The following GABRG3 variants were observed in gnomAD, a reference collection of about 807,000 sequenced individuals.
GABRG3 encodes gamma-aminobutyric acid type A receptor subunit gamma3, also known as gamma-aminobutyric acid receptor subunit gamma-3.
In GABRG3, 25 loss-of-function variants were observed where a neutral mutation model predicts 48.8. The ratio of observed to expected loss-of-function variants is 0.51; its 90% CI spans 0.37 to 0.72. GABRG3 has a LOEUF of 0.72. Ranked by LOEUF, GABRG3 falls within the 30% of genes least tolerant of loss-of-function variation. The pLI is 0.00. For synonymous variants in GABRG3, 227 were observed against 217.6 expected (o/e 1.04, Z -0.38); for missense variants, 394 against 577.9 (o/e 0.68, Z 3.26).
chr15:27,034,383 T>C (rs1896139341), intron 3 of GABRG3, among the ~76,000 whole-genome samples: 1 of 152,212 alleles, frequency 6.6e-6, no homozygotes, highest in South Asian at 2.1e-4. Context: ...TTTATTTGTT[T>C]TGTTTTATTT....
chr15:27,420,907 G>T (rs1453665153), intron 5 of GABRG3, among the ~76,000 whole-genome samples: 1 of 152,328 alleles, frequency 6.6e-6, no homozygotes, highest in Non-Finnish European at 1.5e-5. Flanking sequence ...TGTGCTCGGG[G>T]CTTGTGGATA....
At chr15:27,271,445 G>A (rs1228897807) in intron 3 of GABRG3, 3 of 403,858 alleles carry the variant, frequency 7.4e-6, no homozygotes, top group South Asian at 3.5e-5. Context: ...GCAGATGAAT[G>A]AGGCCTAGAC....
intron 3 of GABRG3, among the ~76,000 whole-genome samples, chr15:27,154,303 G>A (rs1169346008): frequency 3.9e-5 from 6 of 152,154 alleles, no homozygotes; most frequent in Non-Finnish European, 7.4e-5. Flanking sequence ...TTTTGGTCAA[G>A]CAGAGAATCT....
chr15:27,199,132 C>T (rs1419123954), intron 3 of GABRG3, among the ~76,000 whole-genome samples: 3 of 152,050 alleles, frequency 2.0e-5, no homozygotes, highest in Non-Finnish European at 4.4e-5. Flanking sequence ...TATCCCAGAA[C>T]TTAAGCATAT....
At chr15:27,205,897 T>C (rs1050375734) in intron 3 of GABRG3, among the ~76,000 whole-genome samples, 1 of 152,090 alleles carries the variant, frequency 6.6e-6, no homozygotes, top group African/African-American at 2.4e-5. Context: ...TTTGAATTTC[T>C]TTATGGTTGG....
At chr15:27,350,241 A>T (rs1894516284) in intron 5 of GABRG3, 2 of 454,608 alleles carry the variant, frequency 4.4e-6, no homozygotes, top group Admixed American at 4.7e-5. Context: ...ATTCGTGGGG[A>T]AATGAAGGCT....
At chr15:27,116,852 A>G (rs540503562) in intron 3 of GABRG3, among the ~76,000 whole-genome samples, 24 of 152,328 alleles carry the variant, frequency 1.6e-4, no homozygotes, top group African/African-American at 4.8e-4. Flanking sequence ...GGGTGCATCA[A>G]GAGATACCAT....
At chr15:27,360,018 G>A (rs1894969366) in intron 5 of GABRG3, among the ~76,000 whole-genome samples, 1 of 152,174 alleles carries the variant, frequency 6.6e-6, no homozygotes, top group African/African-American at 2.4e-5. Flanking sequence ...GGGACAGAGG[G>A]ACACTGAGCC....
chr15:27,167,633 T>C (rs1422581663), intron 3 of GABRG3, among the ~76,000 whole-genome samples: 1 of 151,966 alleles, frequency 6.6e-6, no homozygotes, highest in African/African-American at 2.4e-5. Context: ...CCACCTGGAG[T>C]GTCCCAGAGG....
chr15:27,233,588 G>T (rs778750309), intron 3 of GABRG3, among the ~76,000 whole-genome samples: 2 of 152,060 alleles, frequency 1.3e-5, no homozygotes, highest in South Asian at 2.1e-4. Context: ...CATCACGAAG[G>T]CTCCACCCTC....
chr15:27,499,500 G>C (rs925820917), intron 6 of GABRG3, among the ~76,000 whole-genome samples: 1 of 152,214 alleles, frequency 6.6e-6, no homozygotes, highest in African/African-American at 2.4e-5. Flanking sequence ...GTTTTCAGCA[G>C]CCAACTCCCT....
chr15:27,267,495 AG>A, intron 3 of GABRG3, among the ~76,000 whole-genome samples: 1 of 151,410 alleles, frequency 6.6e-6, no homozygotes, highest in East Asian at 1.9e-4. Context: ...GCTGGAGTGC[AG>A]TGGTGCAATC....
At chr15:27,098,607 A>G (rs1897305243) in intron 3 of GABRG3, among the ~76,000 whole-genome samples, 1 of 152,264 alleles carries the variant, frequency 6.6e-6, no homozygotes, top group African/African-American at 2.4e-5. Flanking sequence ...AGATTATTTT[A>G]AAGAGTTTGA....
At position 26,975,931 on chromosome 15, in the gene GABRG3, C is replaced by T. The variant is rs145024758; in HGVS notation, c.54-1071C>T. On this transcript the variant is annotated intron_variant, in intron 1 of 9. Coordinates refer to ENST00000615808, the MANE Select transcript of GABRG3 (RefSeq NM_033223.5). The surrounding 1 kb of genome is among the most constrained non-coding windows in gnomAD (Gnocchi z 4.6). ...GGAAAAGTTTGGTTTGTTTCACATG[C>T]TTTCTTGCTGGGGTCAATGGTAGTC... Among the ~76,000 whole-genome samples the T allele has an allele frequency of 1.0e-3, 158 of 152,270 alleles. No individual in the cohort carries two copies. In the East Asian group the frequency reaches 0.027, roughly 26 times the overall value.
intron 3 of GABRG3, among the ~76,000 whole-genome samples, chr15:27,178,044 G>A (rs150868829): frequency 4.8e-4 from 73 of 151,780 alleles, no homozygotes; most frequent in African/African-American, 1.8e-3. Flanking sequence ...AGCTCAATCA[G>A]GTATTGAGGG....
rs376184302 is a variant in GABRG3 at position 27,061,485 on chromosome 15, G to T, written c.270+34664G>T. On this transcript the variant is annotated intron_variant, in intron 3 of 9. Coordinates refer to ENST00000615808, the MANE Select transcript of GABRG3 (RefSeq NM_033223.5). ...TTGTTAAAATTAAATGTCATATTTT[G>T]CCCTTTCACTAGAAAACAAACTGTT... 2.1e-3 allele frequency among the ~76,000 whole-genome samples: 290 copies of T among 139,644 alleles called. 2 individuals are homozygous for T. The highest frequency in any genetic ancestry group is 0.012 in the South Asian group (51 of 4,270). 91.6% of individuals were successfully genotyped at this position (139,644 alleles called of 152,430 possible).
intron 3 of GABRG3, among the ~76,000 whole-genome samples, chr15:27,133,719 GT>G (rs1897960791): frequency 1.3e-5 from 2 of 152,172 alleles, no homozygotes; most frequent in Non-Finnish European, 2.9e-5. Context: ...TTTGTGACAA[GT>G]TAATTGAATT....
intron 6 of GABRG3, among the ~76,000 whole-genome samples, chr15:27,499,383 C>A (rs1203586615): frequency 6.6e-6 from 1 of 152,138 alleles, no homozygotes; most frequent in Non-Finnish European, 1.5e-5. Flanking sequence ...GAAACAATAG[C>A]GCCACATAGC....
intron 2 of GABRG3, among the ~76,000 whole-genome samples, chr15:27,026,139 A>G (rs569199200): frequency 4.6e-5 from 7 of 152,238 alleles, no homozygotes; most frequent in Non-Finnish European, 8.8e-5. Flanking sequence ...TCTTTGACTT[A>G]TTAACATTCC....
Sources: allele counts gnomAD v4.1 joint callset (sites outside exome capture counted in the v4.1 genomes callset), GRCh38; gene constraint gnomAD v4.1.1; non-coding constraint Gnocchi (gnomAD v3.1); transcripts MANE v1.5; gene names NCBI Gene and HGNC (gene_info 2026-07-23, HGNC 2026-07-21).